The following MAMDC2 variants were observed in gnomAD, a reference collection of about 807,000 sequenced individuals.
The protein encoded by MAMDC2 is MAM domain containing 2, also known as MAM domain-containing protein 2.
A neutral mutation model predicts 89.8 loss-of-function variants in MAMDC2; 57 were observed. That is an observed-to-expected ratio of 0.63 (90% CI 0.51 to 0.79). The LOEUF (loss-of-function observed/expected upper bound fraction) is 0.79, where lower values mean the gene tolerates loss of function less well. MAMDC2 is among the 30% of genes least tolerant of loss of function. MAMDC2 has a pLI of 0.00. For missense variants in MAMDC2, 800 were observed against 820.6 expected (o/e 0.97, Z 0.31); for synonymous variants, 313 against 293.4 (o/e 1.07, Z -0.68).
chr9:70,096,080 C>T (rs1298889432), intron 2 of MAMDC2, among the ~76,000 whole-genome samples: 1 of 151,816 alleles, frequency 6.6e-6, no homozygotes, highest in African/African-American at 2.4e-5. Flanking sequence ...CTGGACTGCA[C>T]TGGTGCAATC....
At chr9:70,203,692 C>T (rs1466983987) in intron 11 of MAMDC2, among the ~76,000 whole-genome samples, 64 of 102,248 alleles carry the variant, frequency 6.3e-4, no homozygotes, top group African/African-American at 2.3e-3. Context: ...TTCAGGTACA[C>T]CAATCAGACG....
intron 11 of MAMDC2, chr9:70,217,380 A>G (rs1261445990): frequency 6.8e-6 from 9 of 1,326,764 alleles, no homozygotes; most frequent in Admixed American, 3.4e-5. Context: ...ACAAAAAGGG[A>G]GAGTCGGAAG....
At chr9:70,213,884 C>T (rs1431021033) in intron 11 of MAMDC2, among the ~76,000 whole-genome samples, 1 of 152,184 alleles carries the variant, frequency 6.6e-6, no homozygotes, top group Middle Eastern at 3.2e-3. Flanking sequence ...TCATCATAGT[C>T]AAGTGCATAT....
chr9:70,124,815 C>T (rs1367750812), intron 5 of MAMDC2, among the ~76,000 whole-genome samples: 2 of 152,168 alleles, frequency 1.3e-5, no homozygotes, highest in Non-Finnish European at 2.9e-5. Context: ...AAGTGATTCT[C>T]CTGCCTCAGC....
chr9:70,103,234 A>G (rs1828241869), intron 2 of MAMDC2, among the ~76,000 whole-genome samples: 1 of 152,226 alleles, frequency 6.6e-6, no homozygotes, highest in Non-Finnish European at 1.5e-5. Flanking sequence ...CATTATTCCC[A>G]TTTTGATATT....
At chr9:70,180,053 C>T (rs1235442468) in intron 11 of MAMDC2, among the ~76,000 whole-genome samples, 2 of 151,522 alleles carry the variant, frequency 1.3e-5, no homozygotes, top group African/African-American at 4.9e-5. Flanking sequence ...GTGATGCTCC[C>T]CTCCCTGTGT....
chr9:70,165,186 AG>A (rs1267866228), intron 9 of MAMDC2, among the ~76,000 whole-genome samples: 1 of 152,160 alleles, frequency 6.6e-6, no homozygotes, highest in African/African-American at 2.4e-5. Flanking sequence ...CTGGACCCAG[AG>A]GGTAAGTCCT....
chr9:70,066,994 G>T (rs1401216775), intron 2 of MAMDC2, among the ~76,000 whole-genome samples: 1 of 152,170 alleles, frequency 6.6e-6, no homozygotes, highest in Admixed American at 6.5e-5. Context: ...CAAGTAGGAA[G>T]TTTATGAGAG....
intron 9 of MAMDC2, among the ~76,000 whole-genome samples, chr9:70,144,146 CTCTCTT>C (rs1285182457): frequency 2.0e-5 from 3 of 152,220 alleles, no homozygotes; most frequent in Non-Finnish European, 4.4e-5. Context: ...AATTCTCTCT[CTCTCTT>C]TTTCTTTCCC....
Position 70,170,478 on chromosome 9 carries a change from G to A in MAMDC2, c.1499-1G>A. On this transcript the variant is annotated splice_acceptor_variant, in intron 10 of 13. Coordinates refer to ENST00000377182, the MANE Select transcript of MAMDC2 (RefSeq NM_153267.5). LOFTEE classifies it high-confidence loss of function. The stretch of plus-strand genomic sequence containing the variant: ...TTGCAACATCTGCTATTTTCTTGCA[G>A]AGAAACTTCCACCTCCACCTGGAGA... The A allele has an allele frequency of 6.2e-7, 1 of 1,601,956 alleles. No individual in the cohort carries two copies. Among genetic ancestry groups the A allele is most frequent in the African/African-American group, 1.3e-5 (1 of 74,350 alleles).
chr9:70,197,988 G>C (rs1466813086), intron 11 of MAMDC2, among the ~76,000 whole-genome samples: 1 of 151,936 alleles, frequency 6.6e-6, no homozygotes, highest in African/African-American at 2.4e-5. Flanking sequence ...GTACAGTACA[G>C]TAAGATATTT....
At chr9:70,191,429 A>G (rs983557392) in intron 11 of MAMDC2, among the ~76,000 whole-genome samples, 3 of 152,106 alleles carry the variant, frequency 2.0e-5, no homozygotes, top group Non-Finnish European at 4.4e-5. Context: ...TACTTGTGTG[A>G]TAACTCCATA....
chr9:70,188,499 C>T (rs2032807604), intron 11 of MAMDC2: 1 of 150,300 alleles, frequency 6.7e-6, no homozygotes, highest in Non-Finnish European at 1.5e-5. Flanking sequence ...TAGTGGTTGC[C>T]CTAGGGATTT....
intron 2 of MAMDC2, among the ~76,000 whole-genome samples, chr9:70,090,962 T>C (rs973792266): frequency 2.6e-5 from 4 of 152,164 alleles, no homozygotes; most frequent in Non-Finnish European, 5.9e-5. Context: ...AGATAGATAA[T>C]ATAACCATCT....
At chr9:70,193,200 G>T (rs961905567) in intron 11 of MAMDC2, among the ~76,000 whole-genome samples, 1 of 152,078 alleles carries the variant, frequency 6.6e-6, no homozygotes, top group African/African-American at 2.4e-5. Flanking sequence ...AGTTATCAGA[G>T]AAACCACTTT....
At chr9:70,098,939 T>C (rs1452037981) in intron 2 of MAMDC2, among the ~76,000 whole-genome samples, 1 of 152,224 alleles carries the variant, frequency 6.6e-6, no homozygotes, top group African/African-American at 2.4e-5. Context: ...TTAGTCATTT[T>C]TGAATCTTTG....
rs1828276177 is a variant in MAMDC2 at position 70,104,281 on chromosome 9, A to T, written c.149-3930A>T. Among the ~76,000 whole-genome samples the T allele has an allele frequency of 4.6e-5, 7 of 152,334 alleles. No homozygotes were observed. The South Asian group carries it at 1.5e-3, about 32-fold the overall frequency. On this transcript the variant is annotated intron_variant, in intron 2 of 13. Coordinates refer to ENST00000377182, the MANE Select transcript of MAMDC2 (RefSeq NM_153267.5). ...CATCAATTCACTAAAATTAAAAAAA[A>T]GATGGGCAATAACAAGTGTTGGTGA...
At position 70,143,538 on chromosome 9, in the gene MAMDC2, T is replaced by C. The variant is rs1267893726; in HGVS notation, c.1139-16T>C. 1.2e-6 allele frequency: 2 copies of C among 1,612,754 alleles called. No homozygotes were observed. Among genetic ancestry groups the C allele is most frequent in the East Asian group, 2.2e-5 (1 of 44,878 alleles). ...AGATTATTTTGCATTGCTGATATGC[T>C]TTATCTTCTTTGCAGGGTATTACCT... is the stretch of plus-strand genomic sequence containing the variant. On this transcript the variant is annotated splice_polypyrimidine_tract_variant and intron_variant, in intron 8 of 13. Coordinates refer to ENST00000377182, the MANE Select transcript of MAMDC2 (RefSeq NM_153267.5).
At chr9:70,073,752 G>A (rs1159920887) in intron 2 of MAMDC2, among the ~76,000 whole-genome samples, 1 of 152,180 alleles carries the variant, frequency 6.6e-6, no homozygotes, top group Non-Finnish European at 1.5e-5. Context: ...TGGGAAGGAA[G>A]GGGTTAGAGT....
Sources: gnomAD v4.1 joint callset for allele counts (sites outside exome capture counted in the v4.1 genomes callset) on GRCh38, gnomAD v4.1.1 for gene constraint, MANE v1.5 for transcripts, NCBI Gene and HGNC (gene_info 2026-07-23, HGNC 2026-07-21) for gene names.